COG5: variants seen among roughly 807,000 people sequenced by gnomAD.
COG5 encodes the protein conserved oligomeric Golgi complex subunit 5.
COG5 carries 86 observed loss-of-function variants against 110.4 expected under a neutral mutation model. That is an observed-to-expected ratio of 0.78 (90% confidence interval 0.65 to 0.93). The LOEUF is 0.93. Ranked by LOEUF, COG5 falls within the 40% of genes least tolerant of loss-of-function variation. The pLI is 0.00. For missense variants in COG5, 1,077 were observed against 987.0 expected, an observed-to-expected ratio of 1.09 and a Z score of -1.22; for synonymous variants, 360 against 334.6, an observed-to-expected ratio of 1.08 and a Z score of -0.83.
At chr7:107,531,163 C>A (rs1224906816) in intron 5 of COG5, among the ~76,000 whole-genome samples, 1 of 151,878 alleles carries the variant, frequency 6.6e-6, no homozygotes, top group Admixed American at 6.6e-5. Context: ...TATATTGGAT[C>A]ATCTGTCCTA....
At chr7:107,249,425 T>A (rs1211385235) in intron 16 of COG5, among the ~76,000 whole-genome samples, 1 of 152,114 alleles carries the variant, frequency 6.6e-6, no homozygotes, top group African/African-American at 2.4e-5. Flanking sequence ...CAGGGAGGTA[T>A]AAATCATCAT....
At chr7:107,558,246 T>A in intron 1 of COG5, 131 bp from the exon 2 acceptor site, 1 of 827,560 alleles carries the variant, frequency 1.2e-6, no homozygotes, top group Non-Finnish European at 2.0e-6. Context: ...CTATACTGCT[T>A]AATGCTTACT....
In COG5 at chr7:107,298,456, G is replaced by C. The variant is rs74430999; in HGVS notation, c.1109-110C>G. 5.4e-3 allele frequency: 4,266 copies of C among 789,150 alleles called. 133 individuals are homozygous for C. The African/African-American group carries it at 0.063, about 12-fold the overall frequency. 48.9% of individuals were successfully genotyped at this position (789,150 alleles called of 1,614,324 possible). Reference sequence around the variant, plus strand: ...AACCCATACTATAGGGCAAACCAAAGACGTGTTCTAATGAGGCCTTTTATA... The same window carrying C: ...AACCCATACTATAGGGCAAACCAAACACGTGTTCTAATGAGGCCTTTTATA... On this transcript the variant is annotated intron_variant, in intron 11 of 21. Transcript: ENST00000297135.
chr7:107,479,630 ATTACCCGCAATAC>A (rs1240254131), intron 6 of COG5, among the ~76,000 whole-genome samples: 1 of 152,136 alleles, frequency 6.6e-6, no homozygotes, highest in Non-Finnish European at 1.5e-5. Context: ...TAAGAAACAG[ATTACCCGCAATAC>A]TCAAATAACT....
intron 17 of COG5, among the ~76,000 whole-genome samples, chr7:107,244,181 G>A (rs1448692849): frequency 2.0e-5 from 3 of 152,106 alleles, no homozygotes; most frequent in Non-Finnish European, 4.4e-5. Flanking sequence ...GAACCGAGGA[G>A]GTGGAGGCAG....
intron 6 of COG5, among the ~76,000 whole-genome samples, chr7:107,498,678 G>A (rs987128985): frequency 6.6e-6 from 1 of 152,082 alleles, no homozygotes; most frequent in Admixed American, 6.6e-5. Flanking sequence ...AATTGGAATC[G>A]TTTTACACTG....
At chr7:107,270,469 C>G (rs990264241) in intron 14 of COG5, among the ~76,000 whole-genome samples, 3 of 152,104 alleles carry the variant, frequency 2.0e-5, no homozygotes, top group Non-Finnish European at 4.4e-5. Flanking sequence ...GCATGTTGCC[C>G]AAGCTGGTCT....
chr7:107,482,605 A>G (rs957821866), intron 6 of COG5, among the ~76,000 whole-genome samples: 6 of 51,826 alleles, frequency 1.2e-4, no homozygotes, highest in African/African-American at 3.3e-4. Context: ...TGCCTTCTTG[A>G]AAAAAAACTC....
chr7:107,201,395 T>C lies in COG5; in HGVS notation c.*2121A>G. 6.5e-7 allele frequency: 1 copy of C among 1,533,564 alleles called. No individual in the cohort carries two copies. Among genetic ancestry groups the C allele is most frequent in the Non-Finnish European group, 9.0e-7 (1 of 1,108,672 alleles). 95.0% of individuals were successfully genotyped at this position (1,533,564 alleles called of 1,614,324 possible). On this transcript the variant is annotated 3_prime_UTR_variant, in exon 22 of 22. Transcript: ENST00000297135. The stretch of plus-strand genomic sequence containing the variant: ...TATTGATTTGTAAACATTCACTGAG[T>C]TTAATTTTATTTCCACAGGGCTCAC...
In COG5 at chr7:107,208,627, C is replaced by A. The variant is rs1199289200; in HGVS notation, c.2375+1899G>T. Reference sequence around the variant, plus strand: ...CTCCTCACCCAAATCCAAAGCCTTTCCCGAGGGCAGATTTTACCAGGAACA... The same window carrying A: ...CTCCTCACCCAAATCCAAAGCCTTTACCGAGGGCAGATTTTACCAGGAACA... On this transcript the variant is annotated intron_variant, in intron 21 of 21. Coordinates refer to ENST00000297135, the MANE Select transcript of COG5 (RefSeq NM_006348.5). The A allele has an allele frequency of 3.0e-6, 3 of 985,340 alleles. No individual in the cohort carries two copies. The South Asian group carries it at 1.4e-4, about 46-fold the overall frequency. The allele number at this position is 985,340 out of a possible 1,614,324, so 61.0% of individuals were successfully genotyped here.
At chr7:107,261,523 G>C (rs1346527222) in intron 14 of COG5, among the ~76,000 whole-genome samples, 1 of 152,146 alleles carries the variant, frequency 6.6e-6, no homozygotes, top group Non-Finnish European at 1.5e-5. Flanking sequence ...TCTCCAAAGA[G>C]TTCTGGTTCC....
At chr7:107,509,059 C>T (rs961001830) in intron 6 of COG5, among the ~76,000 whole-genome samples, 9 of 152,104 alleles carry the variant, frequency 5.9e-5, no homozygotes, top group Non-Finnish European at 1.0e-4. Flanking sequence ...ATGACTTTGA[C>T]GTGTTGAGAG....
At chr7:107,263,632 T>C (rs4730228) in intron 14 of COG5, among the ~76,000 whole-genome samples, 23,787 of 152,148 alleles carry the variant, frequency 0.16, 2,325 homozygotes, top group Non-Finnish European at 0.22. Flanking sequence ...AACAAATCCT[T>C]AAATAAAAAT....
chr7:107,259,704 CA>C (rs1803174580), intron 14 of COG5, among the ~76,000 whole-genome samples: 1 of 152,076 alleles, frequency 6.6e-6, no homozygotes, highest in Non-Finnish European at 1.5e-5. Context: ...AGATTCTCTT[CA>C]ATCAATTTTG....
chr7:107,518,104 A>T (rs1800068050), intron 6 of COG5, among the ~76,000 whole-genome samples: 1 of 152,180 alleles, frequency 6.6e-6, no homozygotes. Flanking sequence ...AGACAAGCAA[A>T]TGCTAAGGGA....
At chr7:107,505,114 T>C (rs1798895367) in intron 6 of COG5, among the ~76,000 whole-genome samples, 1 of 152,244 alleles carries the variant, frequency 6.6e-6, no homozygotes, top group African/African-American at 2.4e-5. Flanking sequence ...TGACGCTTAA[T>C]CTCATTCCCC....
chr7:107,427,335 T>C (rs536207164), intron 6 of COG5, among the ~76,000 whole-genome samples: 2 of 152,276 alleles, frequency 1.3e-5, no homozygotes, highest in East Asian at 3.9e-4. Flanking sequence ...CTTGATAATT[T>C]CTTCTCTTAT....
Position 107,406,338 on chromosome 7 carries a change from T to A in COG5, c.669+6164A>T, listed in dbSNP as rs578254154. 9.3e-4 allele frequency among the ~76,000 whole-genome samples: 141 copies of A among 152,324 alleles called. 1 individual carries two copies. The highest frequency in any genetic ancestry group is 1.7e-3 in the Non-Finnish European group (114 of 68,026). ...CATTACTTTTATACTTTTGTCTTTT[T>A]AATCTGATTTATTAGAAATAGGCCA... is the stretch of plus-strand genomic sequence containing the variant. On this transcript the variant is annotated intron_variant, in intron 7 of 21. Transcript: ENST00000297135.
intron 7 of COG5, among the ~76,000 whole-genome samples, chr7:107,385,738 T>G (rs1288155164): frequency 6.6e-6 from 1 of 151,658 alleles, no homozygotes; most frequent in African/African-American, 2.4e-5. Context: ...TTAATGAGTA[T>G]AGAGTTATCA....
Sources: allele counts gnomAD v4.1 joint callset (sites outside exome capture counted in the v4.1 genomes callset), GRCh38; gene constraint gnomAD v4.1.1; transcripts MANE v1.5; gene names NCBI Gene and HGNC (gene_info 2026-07-23, HGNC 2026-07-21).